The following FHIT variants were observed in gnomAD, a reference collection of about 807,000 sequenced individuals.
FHIT encodes fragile histidine triad diadenosine triphosphatase.
FHIT carries 19 observed loss-of-function variants against 17.9 expected under a neutral mutation model. The ratio of observed to expected loss-of-function variants is 1.06; its 90% CI spans 0.74 to 1.56. The LOEUF is 1.56. FHIT is among the 40% of genes most tolerant of loss of function. The probability of loss-of-function intolerance (pLI) is 0.00; values close to 1 mark genes in which losing one functional copy is unlikely to be tolerated. For missense variants in FHIT, 248 were observed against 189.2 expected, an observed-to-expected ratio of 1.31 and a Z score of -1.82; for synonymous variants, 81 against 69.7, an observed-to-expected ratio of 1.16 and a Z score of -0.81.
rs1553660193 is a variant in FHIT, at chr3:60,582,936, A to C, written c.-17-45957T>G. On this transcript the variant is annotated intron_variant, in intron 4 of 9. Transcript: ENST00000492590. ...GTCCAATACCACATATCAAAAAAGT[A>C]GCTGAGCTAGGACTTGAACCCTATC... is the stretch of plus-strand genomic sequence containing the variant. Among the ~76,000 whole-genome samples, 5 of 152,110 alleles carry C rather than the reference A, an allele frequency of 3.3e-5. No individual in the cohort carries two copies. In the South Asian group the frequency reaches 8.3e-4, roughly 25 times the overall value.
intron 5 of FHIT, among the ~76,000 whole-genome samples, chr3:60,121,686 A>G (rs1044858320): frequency 2.1e-5 from 2 of 96,828 alleles, no homozygotes; most frequent in Non-Finnish European, 4.3e-5. Flanking sequence ...TCTGTCTCAA[A>G]AAACAAACAA....
At chr3:60,525,157 C>T (rs979604847) in intron 5 of FHIT, among the ~76,000 whole-genome samples, 4 of 152,152 alleles carry the variant, frequency 2.6e-5, no homozygotes, top group African/African-American at 9.7e-5. Context: ...ACTCCGGCTG[C>T]TGCCATGCAA....
intron 5 of FHIT, among the ~76,000 whole-genome samples, chr3:60,465,349 C>T (rs1219680994): frequency 6.6e-6 from 1 of 151,900 alleles, no homozygotes; most frequent in Non-Finnish European, 1.5e-5. Context: ...TTCAAATTTG[C>T]TCTTCAAATT....
chr3:60,078,702 A>G (rs993667824), intron 5 of FHIT, among the ~76,000 whole-genome samples: 3 of 152,262 alleles, frequency 2.0e-5, no homozygotes, highest in Admixed American at 2.0e-4. Flanking sequence ...TAAATACACT[A>G]AAGGAGCAAA....
intron 5 of FHIT, among the ~76,000 whole-genome samples, chr3:60,091,229 A>T (rs1703716958): frequency 6.6e-6 from 1 of 152,232 alleles, no homozygotes; most frequent in Non-Finnish European, 1.5e-5. Context: ...ACTCTTTCTG[A>T]ACTCTCCTAA....
intron 5 of FHIT, among the ~76,000 whole-genome samples, chr3:60,238,731 G>C (rs556642756): frequency 1.3e-5 from 2 of 151,944 alleles, no homozygotes; most frequent in Non-Finnish European, 2.9e-5. Context: ...CAGAGCTGAG[G>C]AACAACAAAA....
chr3:60,020,386 G>A (rs1036811823), intron 5 of FHIT, among the ~76,000 whole-genome samples: 6 of 152,026 alleles, frequency 3.9e-5, no homozygotes, highest in East Asian at 1.9e-4. Flanking sequence ...GCTCAGACTC[G>A]CCCCCATTTA....
rs1234457940 is a variant in FHIT, at chr3:60,315,258, A to G, written c.103+221602T>C. ...TAATAATAATAAATTGTCTTCAGCTATTGTGTTATGGAGTAGTTTGTTACA... is the reference window on the plus strand; with the variant it reads ...TAATAATAATAAATTGTCTTCAGCTGTTGTGTTATGGAGTAGTTTGTTACA... On this transcript the variant is annotated intron_variant, in intron 5 of 9. Transcript: ENST00000492590. Among the ~76,000 whole-genome samples, 3 of 152,172 alleles carry G rather than the reference A, an allele frequency of 2.0e-5. No individual in the cohort carries two copies. In the East Asian group the frequency reaches 5.8e-4, roughly 29 times the overall value.
intron 8 of FHIT, among the ~76,000 whole-genome samples, chr3:59,851,237 G>T (rs957915925): frequency 5.3e-5 from 8 of 152,198 alleles, no homozygotes; most frequent in African/African-American, 1.9e-4. Context: ...AACGATCAGA[G>T]CTCATTAATT....
chr3:60,040,334 C>T (rs139337314), intron 5 of FHIT, among the ~76,000 whole-genome samples: 11 of 152,002 alleles, frequency 7.2e-5, no homozygotes, highest in East Asian at 5.8e-4. Context: ...TTAGTAGAGA[C>T]GGGGTTTCAC....
intron 5 of FHIT, among the ~76,000 whole-genome samples, chr3:60,208,427 T>C (rs17395248): frequency 0.19 from 28,850 of 152,140 alleles, 2,792 homozygotes; most frequent in East Asian, 0.26. Context: ...TTAAGCATCA[T>C]ATAAAAGTCA....
intron 5 of FHIT, among the ~76,000 whole-genome samples, chr3:60,494,266 G>A (rs2034196301): frequency 6.6e-6 from 1 of 152,066 alleles, no homozygotes; most frequent in Non-Finnish European, 1.5e-5. Flanking sequence ...CTATGACTTT[G>A]CCAATTCTGG....
At chr3:60,243,111 A>G (rs926524231) in intron 5 of FHIT, among the ~76,000 whole-genome samples, 2 of 152,170 alleles carry the variant, frequency 1.3e-5, no homozygotes, top group African/African-American at 4.8e-5. Context: ...TTAACACTGA[A>G]TATGAAGCAA....
At chr3:60,400,170 A>G (rs769094001) in intron 5 of FHIT, among the ~76,000 whole-genome samples, 1 of 152,128 alleles carries the variant, frequency 6.6e-6, no homozygotes, top group Non-Finnish European at 1.5e-5. Context: ...GTTGCAACAG[A>G]ATGTGACATG....
chr3:60,828,818 C>T (rs146302033), intron 3 of FHIT, among the ~76,000 whole-genome samples: 2,405 of 152,214 alleles, frequency 0.016, 71 homozygotes, highest in African/African-American at 0.055. Context: ...GCAGAGGTTG[C>T]AGTGAGCCGA....
At chr3:60,763,090 G>C (rs1359131708) in intron 4 of FHIT, among the ~76,000 whole-genome samples, 1 of 152,012 alleles carries the variant, frequency 6.6e-6, no homozygotes, top group Admixed American at 6.6e-5. Flanking sequence ...TAACTGTGTA[G>C]GTGTCTGTGA....
At chr3:60,520,369 A>T (rs188886992) in intron 5 of FHIT, among the ~76,000 whole-genome samples, 8 of 152,280 alleles carry the variant, frequency 5.3e-5, no homozygotes, top group African/African-American at 1.7e-4. Flanking sequence ...CCTTTTCTCC[A>T]TAACATTTCA....
intron 2 of FHIT, among the ~76,000 whole-genome samples, chr3:61,132,143 A>C (rs900348461): frequency 3.9e-5 from 6 of 152,210 alleles, no homozygotes; most frequent in Non-Finnish European, 8.8e-5. Context: ...AGGCCAGGAC[A>C]CTGTAATCTG....
At chr3:59,868,047 TAAAAAA>T (rs1553701048) in intron 8 of FHIT, among the ~76,000 whole-genome samples, 1 of 111,346 alleles carries the variant, frequency 9.0e-6, no homozygotes, top group Non-Finnish European at 1.8e-5. Context: ...TTTTTTTTTT[TAAAAAA>T]AAAAAAAAAA....
Sources: allele counts gnomAD v4.1 joint callset (sites outside exome capture counted in the v4.1 genomes callset), GRCh38; gene constraint gnomAD v4.1.1; transcripts MANE v1.5; gene names NCBI Gene and HGNC (gene_info 2026-07-23, HGNC 2026-07-21).